Variants in PCDHGA10 observed in about 807,000 individuals in gnomAD.
The protein encoded by PCDHGA10 is protocadherin gamma subfamily A, 10, also known as protocadherin gamma-A10.
PCDHGA10 carries 42 observed loss-of-function variants against 59.5 expected under a neutral mutation model. That is an observed-to-expected ratio of 0.71 (90% confidence interval 0.55 to 0.91). The LOEUF is 0.91. Among genes scored for constraint, PCDHGA10 ranks in the 40% least tolerant of loss-of-function variants. The pLI, the probability that PCDHGA10 is intolerant of heterozygous loss-of-function variation, is 0.00. For missense variants in PCDHGA10, 1,111 were observed against 1,198.2 expected, an observed-to-expected ratio of 0.93 and a Z score of 1.07; for synonymous variants, 511 against 517.2, an observed-to-expected ratio of 0.99 and a Z score of 0.16.
intron 1 of PCDHGA10, among the ~76,000 whole-genome samples, chr5:141,460,270 C>T (rs1223096441): frequency 6.6e-6 from 1 of 151,828 alleles, no homozygotes; most frequent in Non-Finnish European, 1.5e-5. Context: ...TTTATTTTTT[C>T]TTTTATAGTT....
rs143083513 is a variant in PCDHGA10 at position 141,431,088 on chromosome 5, T to C, written c.2436+15477T>C. On this transcript the variant is annotated intron_variant, in intron 1 of 3. Coordinates refer to ENST00000398610, the MANE Select transcript of PCDHGA10 (RefSeq NM_018913.3). This position sits in a 1 kb window ranked among gnomAD's most constrained non-coding sequence, Gnocchi z 4.8. The stretch of plus-strand genomic sequence containing the variant: ...TGTCAATTAAATCTAGACATTCTGA[T>C]GGAGGATAAAGTGAAAATATATGGA... 106 of 1,614,180 alleles carry C rather than the reference T, an allele frequency of 6.6e-5. 1 individual carries two copies. The highest frequency in any genetic ancestry group is 3.1e-4 in the East Asian group (14 of 44,890).
chr5:141,473,798 T>C lies in PCDHGA10; in HGVS notation c.2437-21009T>C, dbSNP rs1202883137. 2.6e-5 allele frequency among the ~76,000 whole-genome samples: 4 copies of C among 152,350 alleles called. 1 individual carries two copies. The highest frequency in any genetic ancestry group is 6.8e-3 in the Middle Eastern group (2 of 294). On this transcript the variant is annotated intron_variant, in intron 1 of 3. Transcript: ENST00000398610. ...TTTTAATTCAAGAGCAGTATGATGCTACTGAGGAGCAGCTGGACAATTGTG... is the reference window on the plus strand; with the variant it reads ...TTTTAATTCAAGAGCAGTATGATGCCACTGAGGAGCAGCTGGACAATTGTG...
At position 141,486,881 on chromosome 5, in the gene PCDHGA10, G is replaced by T. The variant is rs114512641; in HGVS notation, c.2437-7926G>T. The T allele has an allele frequency of 1.3e-5, 21 of 1,614,090 alleles. No homozygotes were observed. The East Asian group carries it at 4.7e-4, about 36-fold the overall frequency. ...TGCTCCAGCTGTGCTCCGTCCTCGG[G>T]CCCGGCCTGGTTCCTTATGTCCCCA... is the stretch of plus-strand genomic sequence containing the variant. On this transcript the variant is annotated intron_variant, in intron 1 of 3. Coordinates refer to ENST00000398610, the MANE Select transcript of PCDHGA10 (RefSeq NM_018913.3). This position sits in a 1 kb window ranked among gnomAD's most constrained non-coding sequence, Gnocchi z 5.0.
intron 1 of PCDHGA10, among the ~76,000 whole-genome samples, chr5:141,448,838 T>C (rs2098609981): frequency 6.6e-6 from 1 of 151,802 alleles, no homozygotes; most frequent in Non-Finnish European, 1.5e-5. Flanking sequence ...CCAGCTACTC[T>C]GGAGGCTGAG....
In PCDHGA10 at chr5:141,496,208, G is replaced by T. The variant is rs530974273; in HGVS notation, c.2495+1343G>T. On this transcript the variant is annotated intron_variant, in intron 2 of 3. Coordinates refer to ENST00000398610, the MANE Select transcript of PCDHGA10 (RefSeq NM_018913.3). Reference sequence around the variant, plus strand: ...CCAGCTGCTCATTTCAATCTGGTATGAATTCCTGCTGAGACAGGAACCCCC... The same window carrying T: ...CCAGCTGCTCATTTCAATCTGGTATTAATTCCTGCTGAGACAGGAACCCCC... Among the ~76,000 whole-genome samples, 13 of 152,222 alleles carry T rather than the reference G, an allele frequency of 8.5e-5. No homozygotes were observed. In the East Asian group the frequency reaches 2.3e-3, roughly 27 times the overall value.
rs1384424498 is a variant in PCDHGA10, at chr5:141,431,677, G to A, written c.2436+16066G>A. On this transcript the variant is annotated intron_variant, in intron 1 of 3. Coordinates refer to ENST00000398610, the MANE Select transcript of PCDHGA10 (RefSeq NM_018913.3). This position sits in a 1 kb window ranked among gnomAD's most constrained non-coding sequence, Gnocchi z 4.8. The stretch of plus-strand genomic sequence containing the variant: ...CAGGGACAATATCAACAATAGGGGA[G>A]TTGGACCACGAGGAGTCAGGATTCT... 2 of 1,614,236 alleles carry A rather than the reference G, an allele frequency of 1.2e-6. No homozygotes were observed. The highest frequency in any genetic ancestry group is 1.7e-6 in the Non-Finnish European group (2 of 1,180,050).
chr5:141,460,296 C>T (rs1443273958), intron 1 of PCDHGA10, among the ~76,000 whole-genome samples: 1 of 151,924 alleles, frequency 6.6e-6, no homozygotes, highest in Non-Finnish European at 1.5e-5. Context: ...TTCTTATGTC[C>T]TATTCAAAAA....
intron 1 of PCDHGA10, chr5:141,468,662 C>G (rs1381049343): frequency 6.6e-6 from 1 of 150,534 alleles, no homozygotes; most frequent in East Asian, 2.0e-4. Context: ...GTCAGGAGAT[C>G]AAGACCATCC....
In PCDHGA10 at chr5:141,511,074, C is replaced by G; in HGVS notation, c.2712C>G (p.Ser904Arg). 1.2e-6 allele frequency: 2 copies of G among 1,614,238 alleles called. No homozygotes were observed. The highest frequency in any genetic ancestry group is 1.7e-6 in the Non-Finnish European group (2 of 1,180,040). ...GCCAGAATGTCTACATCCCAGGCAGCAATGCCACACTGACCAACGCAGCTG... is the reference window on the plus strand; with the variant it reads ...GCCAGAATGTCTACATCCCAGGCAGGAATGCCACACTGACCAACGCAGCTG... The part of the protein sequence containing the change: ...DYRQNVYIPG[S>R]NATLTNAAGK... Residue 904 changes from serine (S) to arginine (R), a missense_variant, in exon 4 of 4, where the codon AGC becomes AGG. Coordinates refer to ENST00000398610, the MANE Select transcript of PCDHGA10 (RefSeq NM_018913.3).
At chr5:141,446,873 A>T (rs1324695415) in intron 1 of PCDHGA10, among the ~76,000 whole-genome samples, 1 of 152,132 alleles carries the variant, frequency 6.6e-6, no homozygotes, top group African/African-American at 2.4e-5. Flanking sequence ...CTACACTGGT[A>T]TGTTTTGGGG....
Position 141,432,794 on chromosome 5 carries a change from G to C in PCDHGA10, c.2436+17183G>C. 3 of 1,614,138 alleles carry C rather than the reference G, an allele frequency of 1.9e-6. No homozygotes were observed. The highest frequency in any genetic ancestry group is 1.7e-5 in the Admixed American group (1 of 60,026). ...AGTCCTGGCGGACCTCGGCAGCCTC[G>C]AGTCTCCAGCTAACTCTGAAACCTC... On this transcript the variant is annotated intron_variant, in intron 1 of 3. Coordinates refer to ENST00000398610, the MANE Select transcript of PCDHGA10 (RefSeq NM_018913.3). The surrounding 1 kb of genome is among the most constrained non-coding windows in gnomAD (Gnocchi z 6.0).
intron 1 of PCDHGA10, among the ~76,000 whole-genome samples, chr5:141,484,720 G>A (rs1458277947): frequency 2.6e-5 from 4 of 151,988 alleles, no homozygotes; most frequent in African/African-American, 7.2e-5. Flanking sequence ...GAAAAGGGGC[G>A]GGGTCAGTCG....
intron 2 of PCDHGA10, among the ~76,000 whole-genome samples, chr5:141,498,962 A>G (rs1257746192): frequency 8.0e-6 from 1 of 124,866 alleles, no homozygotes; most frequent in Non-Finnish European, 1.7e-5. Context: ...AGAGAGAGGG[A>G]GGGAGGGAGG....
At chr5:141,433,383 CT>C (rs2097595660) in intron 1 of PCDHGA10, among the ~76,000 whole-genome samples, 1 of 151,456 alleles carries the variant, frequency 6.6e-6, no homozygotes, top group Non-Finnish European at 1.5e-5. Context: ...ATCTATCTAT[CT>C]ATCTATCTAT....
chr5:141,468,226 G>T (rs967204965), intron 1 of PCDHGA10, among the ~76,000 whole-genome samples: 2 of 151,038 alleles, frequency 1.3e-5, no homozygotes, highest in Admixed American at 1.3e-4. Flanking sequence ...TTGGGAGGAT[G>T]AGGTAGGAGA....
At position 141,459,716 on chromosome 5, in the gene PCDHGA10, C is replaced by T. The variant is rs1592633942; in HGVS notation, c.2437-35091C>T. On this transcript the variant is annotated intron_variant, in intron 1 of 3. Coordinates refer to ENST00000398610, the MANE Select transcript of PCDHGA10 (RefSeq NM_018913.3). ...CGCTTGCTACATTTTCTCACCAATG[C>T]TTCCTATTGTCAATTTTTTAAATTT... is the stretch of plus-strand genomic sequence containing the variant. Among the ~76,000 whole-genome samples the T allele has an allele frequency of 2.0e-5, 3 of 152,334 alleles. No homozygotes were observed. In the South Asian group the frequency reaches 6.2e-4, roughly 32 times the overall value.
In PCDHGA10 at chr5:141,489,993, C is replaced by T. The variant is rs1413894892; in HGVS notation, c.2437-4814C>T. 18 of 1,614,186 alleles carry T rather than the reference C, an allele frequency of 1.1e-5. No individual in the cohort carries two copies. The highest frequency in any genetic ancestry group is 1.5e-5 in the Non-Finnish European group (18 of 1,179,990). On this transcript the variant is annotated intron_variant, in intron 1 of 3. Transcript: ENST00000398610. The surrounding 1 kb of genome is among the most constrained non-coding windows in gnomAD (Gnocchi z 4.5). ...AATCCTCAGTTCTACGTGTGGGAAT[C>T]CCAGAGAATGCACCCATTGGTACTC...
chr5:141,447,356 C>T (rs1158878203), intron 1 of PCDHGA10, among the ~76,000 whole-genome samples: 4 of 152,000 alleles, frequency 2.6e-5, no homozygotes, highest in African/African-American at 9.7e-5. Context: ...TCAGGCTGGT[C>T]TCAAACTCCT....
At position 141,431,178 on chromosome 5, in the gene PCDHGA10, T is replaced by A; in HGVS notation, c.2436+15567T>A. 2 of 1,614,078 alleles carry A rather than the reference T, an allele frequency of 1.2e-6. No individual in the cohort carries two copies. Among genetic ancestry groups the A allele is most frequent in the Non-Finnish European group, 1.7e-6 (2 of 1,180,000 alleles). On this transcript the variant is annotated intron_variant, in intron 1 of 3. Coordinates refer to ENST00000398610, the MANE Select transcript of PCDHGA10 (RefSeq NM_018913.3). This position sits in a 1 kb window ranked among gnomAD's most constrained non-coding sequence, Gnocchi z 4.8. ...TACTTTCGTGAAAGTGAATTAGAAATAAAAATTAGTGAAAATGCAGCCACT... is the reference window on the plus strand; with the variant it reads ...TACTTTCGTGAAAGTGAATTAGAAAAAAAAATTAGTGAAAATGCAGCCACT...
Sources: allele counts gnomAD v4.1 joint callset (sites outside exome capture counted in the v4.1 genomes callset), GRCh38; gene constraint gnomAD v4.1.1; non-coding constraint Gnocchi (gnomAD v3.1); transcripts MANE v1.5; gene names NCBI Gene and HGNC (gene_info 2026-07-23, HGNC 2026-07-21).